The following SLC25A21 variants were observed in gnomAD, a reference collection of about 807,000 sequenced individuals.
SLC25A21 encodes the protein solute carrier family 25 member 21, also known as mitochondrial 2-oxodicarboxylate carrier.
SLC25A21 carries 47 observed loss-of-function variants against 43.8 expected under a neutral mutation model. That is an observed-to-expected ratio of 1.07 (90% CI 0.85 to 1.37). The LOEUF is 1.37. SLC25A21 is among the 40% of genes most tolerant of loss of function. SLC25A21 has a pLI of 0.00. For synonymous variants in SLC25A21, 131 were observed against 121.3 expected (o/e 1.08, Z -0.52); for missense variants, 352 against 350.2 (o/e 1.00, Z -0.04).
chr14:37,014,378 C>T (rs1960799874), intron 1 of SLC25A21, among the ~76,000 whole-genome samples: 2 of 152,136 alleles, frequency 1.3e-5, no homozygotes, highest in South Asian at 4.1e-4. Context: ...CGACAATGTT[C>T]ACAGTATCTT....
chr14:36,841,831 G>A (rs375678319), intron 2 of SLC25A21, among the ~76,000 whole-genome samples: 22 of 152,042 alleles, frequency 1.4e-4, no homozygotes, highest in African/African-American at 4.8e-4. Context: ...CCCTGTGCAG[G>A]CAAGTGAGGC....
At chr14:37,062,173 A>T (rs1309974397) in intron 1 of SLC25A21, among the ~76,000 whole-genome samples, 1 of 152,252 alleles carries the variant, frequency 6.6e-6, no homozygotes, top group Non-Finnish European at 1.5e-5. Context: ...TTTTAACTAC[A>T]TATGGATTAA....
At chr14:36,881,856 C>T (rs1391526236) in intron 1 of SLC25A21, among the ~76,000 whole-genome samples, 1 of 152,144 alleles carries the variant, frequency 6.6e-6, no homozygotes, top group African/African-American at 2.4e-5. Flanking sequence ...AGCCGGGTGA[C>T]CCAAAGTAGT....
chr14:36,958,211 C>G (rs1294256575), intron 1 of SLC25A21, among the ~76,000 whole-genome samples: 1 of 152,168 alleles, frequency 6.6e-6, no homozygotes, highest in East Asian at 1.9e-4. Flanking sequence ...TAATGCCTAA[C>G]TGCCTATGAA....
chr14:36,795,679 C>T (rs931020169), intron 3 of SLC25A21, among the ~76,000 whole-genome samples: 1 of 148,566 alleles, frequency 6.7e-6, no homozygotes, highest in Non-Finnish European at 1.5e-5. Context: ...ATCTGTGAAG[C>T]GTCTGTGCAG....
intron 2 of SLC25A21, among the ~76,000 whole-genome samples, chr14:36,867,067 C>CA (rs1167986339): frequency 6.6e-6 from 1 of 152,110 alleles, no homozygotes; most frequent in Non-Finnish European, 1.5e-5. Context: ...CTTCCCATCT[C>CA]AAAGCTTGTT....
intron 1 of SLC25A21, among the ~76,000 whole-genome samples, chr14:37,170,903 G>A (rs1034288563): frequency 6.8e-6 from 1 of 146,342 alleles, no homozygotes; most frequent in South Asian, 2.2e-4. Context: ...TGGGCAACAT[G>A]GCGAAAGCCC....
At chr14:37,053,955 G>T (rs1290907030) in intron 1 of SLC25A21, among the ~76,000 whole-genome samples, 1 of 152,174 alleles carries the variant, frequency 6.6e-6, no homozygotes, top group Non-Finnish European at 1.5e-5. Flanking sequence ...TATAAACGTG[G>T]TAGACTAAAA....
chr14:37,014,296 T>G (rs1010542301), intron 1 of SLC25A21, among the ~76,000 whole-genome samples: 2 of 152,200 alleles, frequency 1.3e-5, no homozygotes, highest in African/African-American at 4.8e-5. Context: ...AAATTAGAGT[T>G]AATCCACTTA....
intron 2 of SLC25A21, among the ~76,000 whole-genome samples, chr14:36,856,859 G>C (rs1889914986): frequency 6.6e-6 from 1 of 152,192 alleles, no homozygotes; most frequent in Non-Finnish European, 1.5e-5. Context: ...GAACGAATGA[G>C]AGCTATGGTT....
chr14:37,074,935 G>C (rs1157944516), intron 1 of SLC25A21, among the ~76,000 whole-genome samples: 1 of 152,176 alleles, frequency 6.6e-6, no homozygotes, highest in African/African-American at 2.4e-5. Context: ...TGGTATTGGA[G>C]AGCACAGTGC....
At chr14:36,748,393 C>T (rs1441154539) in intron 3 of SLC25A21, among the ~76,000 whole-genome samples, 1 of 152,108 alleles carries the variant, frequency 6.6e-6, no homozygotes, top group African/African-American at 2.4e-5. Flanking sequence ...TTAAAAAGTG[C>T]CCAAGTCCTT....
At chr14:37,153,008 G>A (rs1468329501) in intron 1 of SLC25A21, among the ~76,000 whole-genome samples, 3 of 152,146 alleles carry the variant, frequency 2.0e-5, no homozygotes, top group Non-Finnish European at 2.9e-5. Context: ...CAGCATCCCT[G>A]GTCAGGACTG....
intron 1 of SLC25A21, among the ~76,000 whole-genome samples, chr14:36,936,284 T>G (rs988706961): frequency 1.3e-5 from 2 of 152,118 alleles, no homozygotes; most frequent in African/African-American, 4.8e-5. Context: ...AGCTATTATC[T>G]CATTAGGATT....
At chr14:37,075,857 G>A (rs1049715874) in intron 1 of SLC25A21, among the ~76,000 whole-genome samples, 4 of 152,150 alleles carry the variant, frequency 2.6e-5, no homozygotes, top group African/African-American at 4.8e-5. Context: ...TTAACAGCCC[G>A]TCATTTCCAG....
intron 3 of SLC25A21, among the ~76,000 whole-genome samples, chr14:36,755,721 A>G (rs564695260): frequency 1.1e-3 from 160 of 152,350 alleles, no homozygotes; most frequent in African/African-American, 3.8e-3. Flanking sequence ...CATAAGAGGA[A>G]TCAAAAACAG....
At chr14:36,899,564 T>C (rs1891344313) in intron 1 of SLC25A21, among the ~76,000 whole-genome samples, 1 of 152,218 alleles carries the variant, frequency 6.6e-6, no homozygotes, top group South Asian at 2.1e-4. Context: ...ACTGGGTTCA[T>C]TCAAGCTGCA....
intron 2 of SLC25A21, among the ~76,000 whole-genome samples, chr14:36,851,105 T>C (rs1189229588): frequency 2.0e-5 from 3 of 152,214 alleles, no homozygotes; most frequent in Non-Finnish European, 4.4e-5. Context: ...ATTATTGTTA[T>C]GAATAGGCTT....
intron 1 of SLC25A21, among the ~76,000 whole-genome samples, chr14:37,112,322 C>T (rs1963034457): frequency 2.0e-5 from 3 of 151,610 alleles, no homozygotes; most frequent in Admixed American, 1.3e-4. Context: ...TTCTCATTGT[C>T]AATACTCTAG....
Sources: allele counts gnomAD v4.1 joint callset (sites outside exome capture counted in the v4.1 genomes callset), GRCh38; gene constraint gnomAD v4.1.1; transcripts MANE v1.5; gene names NCBI Gene and HGNC (gene_info 2026-07-23, HGNC 2026-07-21).